BLTP2: variants seen among roughly 807,000 people sequenced by gnomAD.
BLTP2 encodes the protein bridge-like lipid transfer protein family member 2, also known as U937-associated antigen.
the BLTP2 span, chr17:28,621,405 T>C: frequency 1.9e-6 from 3 of 1,613,614 alleles, no homozygotes; most frequent in South Asian, 1.1e-5. Context: ...TGACCTGTGG[T>C]TGTGGTAACC....
chr17:28,629,881 T>C, the BLTP2 span, among the ~76,000 whole-genome samples: 2 of 152,056 alleles, frequency 1.3e-5, no homozygotes, highest in South Asian at 2.1e-4. Context: ...TCCCAAAGTG[T>C]AGGGATTACA....
the BLTP2 span, chr17:28,635,598 A>G: frequency 4.3e-6 from 7 of 1,610,128 alleles, no homozygotes; most frequent in Admixed American, 1.2e-4. Flanking sequence ...TCAGCCCTGC[A>G]CCACACTGAA....
At chr17:28,636,580 T>C in the BLTP2 span, among the ~76,000 whole-genome samples, 1 of 152,160 alleles carries the variant, frequency 6.6e-6, no homozygotes, top group African/African-American at 2.4e-5. Context: ...TTAAAAGAAG[T>C]TGGTCATGAA....
chr17:28,633,007 T>G, the BLTP2 span: 7 of 1,581,844 alleles, frequency 4.4e-6, no homozygotes, highest in Non-Finnish European at 6.0e-6. Flanking sequence ...AAAGGCCCGG[T>G]AGGAGTCATG....
chr17:28,621,060 G>A, the BLTP2 span: 1 of 1,614,166 alleles, frequency 6.2e-7, no homozygotes, highest in African/African-American at 1.3e-5. Context: ...TGAGTTGCTA[G>A]TTCAGGATCA....
the BLTP2 span, chr17:28,631,764 G>C: frequency 6.9e-6 from 11 of 1,602,452 alleles, no homozygotes; most frequent in Non-Finnish European, 9.4e-6. Flanking sequence ...GAATGGAACT[G>C]AGAAGGGAAA....
chr17:28,630,542 G>A, the BLTP2 span, among the ~76,000 whole-genome samples: 1 of 143,930 alleles, frequency 6.9e-6, no homozygotes, highest in Non-Finnish European at 1.5e-5. Context: ...GCGCACTGGT[G>A]TGACCTCGGC....
the BLTP2 span, chr17:28,644,906 C>T: frequency 6.3e-4 from 793 of 1,250,818 alleles, 2 homozygotes; most frequent in East Asian, 5.5e-3. Context: ...AAGGCGCGCG[C>T]CCCCTCCTCA....
chr17:28,640,593 G>A, the BLTP2 span: 1 of 1,614,140 alleles, frequency 6.2e-7, no homozygotes. Context: ...TACCACGCTT[G>A]TGTTCTCCAT....
At chr17:28,628,515 C>T in the BLTP2 span, 1 of 1,614,176 alleles carries the variant, frequency 6.2e-7, no homozygotes, top group Non-Finnish European at 8.5e-7. Context: ...CTAAGTGCAG[C>T]TGATGTGTAT....
chr17:28,639,592 G>A, the BLTP2 span: 2 of 1,614,136 alleles, frequency 1.2e-6, no homozygotes, highest in Non-Finnish European at 1.7e-6. Flanking sequence ...CTAGCCTTGA[G>A]GGAGTTGAGG....
the BLTP2 span, among the ~76,000 whole-genome samples, chr17:28,634,338 C>T: frequency 6.6e-6 from 1 of 152,072 alleles, no homozygotes; most frequent in Non-Finnish European, 1.5e-5. Context: ...TTATGTTAGC[C>T]AAGCAATTTC....
the BLTP2 span, chr17:28,617,413 C>CAT: frequency 1.2e-6 from 1 of 838,434 alleles, no homozygotes; most frequent in Non-Finnish European, 2.0e-6. Flanking sequence ...TCAGGCTCTA[C>CAT]ATATGCCTAA....
the BLTP2 span, chr17:28,638,786 A>T: frequency 3.3e-6 from 2 of 604,246 alleles, no homozygotes; most frequent in South Asian, 4.5e-5. Context: ...AGAAGATAAA[A>T]GGCTGAACTC....
chr17:28,631,845 C>T, the BLTP2 span: 8 of 1,614,112 alleles, frequency 5.0e-6, no homozygotes, highest in Admixed American at 3.3e-5. Context: ...GCTGAGTCCC[C>T]CGAGTGAAGA....
At chr17:28,637,590 A>T in the BLTP2 span, among the ~76,000 whole-genome samples, 3 of 152,252 alleles carry the variant, frequency 2.0e-5, no homozygotes, top group African/African-American at 4.8e-5. Flanking sequence ...CCAGATAATC[A>T]GCTTCATTAA....
At chr17:28,620,605 G>C in the BLTP2 span, 1 of 1,614,114 alleles carries the variant, frequency 6.2e-7, no homozygotes, top group Non-Finnish European at 8.5e-7. Context: ...GCTCATGGTG[G>C]ATAAGGGTGA....
chr17:28,640,517 C>G, the BLTP2 span: 12 of 1,609,270 alleles, frequency 7.5e-6, no homozygotes, highest in Non-Finnish European at 9.4e-6. Flanking sequence ...ACATACAGCT[C>G]CCACTATCAC....
At chr17:28,617,365 G>C in the BLTP2 span, 1 of 1,409,164 alleles carries the variant, frequency 7.1e-7, no homozygotes, top group East Asian at 2.3e-5. Context: ...ACCTTTCTCA[G>C]AAGTCTACTA....
Sources: allele counts gnomAD v4.1 joint callset (sites outside exome capture counted in the v4.1 genomes callset), GRCh38; gene constraint gnomAD v4.1.1; transcripts MANE v1.5; gene names NCBI Gene and HGNC (gene_info 2026-07-23, HGNC 2026-07-21).